Variants in PRORP observed in about 807,000 individuals in gnomAD.
PRORP encodes the protein mitochondrial ribonuclease P catalytic subunit.
A neutral mutation model predicts 59.4 loss-of-function variants in PRORP; 51 were observed. The ratio of observed to expected loss-of-function variants is 0.86; its 90% CI spans 0.69 to 1.08. PRORP has a LOEUF of 1.08. Ranked by LOEUF, PRORP falls within the 50% of genes least tolerant of loss-of-function variation. PRORP has a pLI of 0.00. For missense variants in PRORP, 646 were observed against 690.3 expected (o/e 0.94, Z 0.72); for synonymous variants, 231 against 245.6 (o/e 0.94, Z 0.55).
intron 3 of PRORP, among the ~76,000 whole-genome samples, chr14:35,127,119 C>T (rs565046827): frequency 2.0e-5 from 3 of 152,156 alleles, no homozygotes; most frequent in South Asian, 2.1e-4. Flanking sequence ...GAGCTGGGCG[C>T]GGTGGCTCAC....
intron 4 of PRORP, among the ~76,000 whole-genome samples, chr14:35,165,854 A>AT (rs1003071245): frequency 6.6e-6 from 1 of 151,808 alleles, no homozygotes; most frequent in African/African-American, 2.4e-5. Flanking sequence ...TAATTTTTGT[A>AT]TTTTTTGTAG....
rs192160804 is a variant in PRORP, at chr14:35,195,539, T to C, written c.1275+14762T>C. Among the ~76,000 whole-genome samples the C allele has an allele frequency of 5.3e-5, 8 of 152,308 alleles. No individual in the cohort carries two copies. The East Asian group carries it at 5.8e-4, about 11-fold the overall frequency. ...AGTCACTTCTTCCTTTATATAGTTA[T>C]GTATTTTTACAAATACTTTTTCTAG... On this transcript the variant is annotated intron_variant, in intron 5 of 7. Coordinates refer to ENST00000534898, the MANE Select transcript of PRORP (RefSeq NM_014672.4).
intron 6 of PRORP, among the ~76,000 whole-genome samples, chr14:35,268,313 C>G: frequency 7.0e-6 from 1 of 142,546 alleles, no homozygotes; most frequent in East Asian, 2.0e-4. Flanking sequence ...CCACTGCACT[C>G]CAGCCTGGGT....
chr14:35,147,413 G>T (rs980837092), intron 4 of PRORP, among the ~76,000 whole-genome samples: 3 of 152,146 alleles, frequency 2.0e-5, no homozygotes, highest in Non-Finnish European at 4.4e-5. Flanking sequence ...CAAGATCATG[G>T]CTTACTGTAG....
intron 4 of PRORP, among the ~76,000 whole-genome samples, chr14:35,168,961 CT>C (rs1217931080): frequency 6.6e-6 from 1 of 151,272 alleles, no homozygotes; most frequent in Non-Finnish European, 1.5e-5. Context: ...AACTTTTTGC[CT>C]TATTAGCTTT....
intron 2 of PRORP, among the ~76,000 whole-genome samples, chr14:35,126,055 C>G (rs1481815755): frequency 2.0e-5 from 3 of 152,024 alleles, no homozygotes; most frequent in Admixed American, 1.3e-4. Context: ...TGGAGTTTTA[C>G]AAAGGCAGTT....
chr14:35,270,572 T>G lies in PRORP; in HGVS notation c.1596T>G (p.Phe532Leu). ...ATCAGCTGGCAATTGTAAATAGGTT[T>G]CCAGGATCAAAACTAACCTTTCAGG... ...QGHQLAIVNR[F>L]PGSKLTFQRI... Residue 532 changes from phenylalanine (F) to leucine (L), a missense_variant, in exon 7 of 8, where the codon TTT becomes TTG. By Grantham distance (22) the Phe-to-Leu change is conservative. Coordinates refer to ENST00000534898, the MANE Select transcript of PRORP (RefSeq NM_014672.4). 6.2e-7 allele frequency: 1 copy of G among 1,614,180 alleles called. No homozygotes were observed. Among genetic ancestry groups the G allele is most frequent in the Non-Finnish European group, 8.5e-7 (1 of 1,180,026 alleles).
chr14:35,153,836 G>A (rs1188471112), intron 4 of PRORP, among the ~76,000 whole-genome samples: 3 of 152,146 alleles, frequency 2.0e-5, no homozygotes, highest in African/African-American at 7.2e-5. Flanking sequence ...TGTGTTCTTA[G>A]AGAAATTTAA....
chr14:35,166,834 G>A (rs1039361828), intron 4 of PRORP, among the ~76,000 whole-genome samples: 1 of 152,162 alleles, frequency 6.6e-6, no homozygotes, highest in African/African-American at 2.4e-5. Context: ...TTATCCTTGA[G>A]AGAAGAGATC....
At chr14:35,223,728 G>A (rs1327269869) in intron 5 of PRORP, among the ~76,000 whole-genome samples, 1 of 152,078 alleles carries the variant, frequency 6.6e-6, no homozygotes, top group Non-Finnish European at 1.5e-5. Flanking sequence ...CAAAGTGCTG[G>A]GATTACAGAC....
chr14:35,162,489 T>C (rs1318158124), intron 4 of PRORP, among the ~76,000 whole-genome samples: 1 of 152,140 alleles, frequency 6.6e-6, no homozygotes, highest in Non-Finnish European at 1.5e-5. Context: ...GAGGCACTTA[T>C]ATTTATTTTC....
At chr14:35,122,503 T>A (rs1027803103), upstream of PRORP, 1 of 155,604 alleles carries the variant, frequency 6.4e-6, no homozygotes, top group African/African-American at 2.4e-5. Context: ...TAAGTCCGGG[T>A]CAGTCTCGTC....
intron 7 of PRORP, among the ~76,000 whole-genome samples, chr14:35,271,621 A>G (rs188703903): frequency 1.2e-4 from 18 of 152,310 alleles, no homozygotes; most frequent in Non-Finnish European, 1.9e-4. Flanking sequence ...TCTAGTTAAG[A>G]TATCTATAAT....
At chr14:35,175,406 T>A (rs2048423178) in intron 4 of PRORP, among the ~76,000 whole-genome samples, 2 of 151,960 alleles carry the variant, frequency 1.3e-5, no homozygotes, top group Non-Finnish European at 2.9e-5. Context: ...CAGCACCTGT[T>A]GTTTCCTGAC....
intron 5 of PRORP, among the ~76,000 whole-genome samples, chr14:35,226,023 T>A (rs543061404): frequency 9.5e-4 from 145 of 152,336 alleles, no homozygotes; most frequent in African/African-American, 3.4e-3. Flanking sequence ...CTGTTATTAC[T>A]CTCATAAAAC....
chr14:35,229,420 G>A (rs979811698), intron 5 of PRORP, among the ~76,000 whole-genome samples: 1 of 152,112 alleles, frequency 6.6e-6, no homozygotes, highest in African/African-American at 2.4e-5. Flanking sequence ...GATTTCTATA[G>A]TTTGAGGTTT....
In PRORP at chr14:35,161,795, C is replaced by G. The variant is rs907730099; in HGVS notation, c.1168-18875C>G. ...CTTTACCTGAGTTAGATCTATTTCT[C>G]CAAAGATCAGTCAAGATTTAAGAAA... is the stretch of plus-strand genomic sequence containing the variant. On this transcript the variant is annotated intron_variant, in intron 4 of 7. Transcript: ENST00000534898. Among the ~76,000 whole-genome samples the G allele has an allele frequency of 1.2e-4, 18 of 152,128 alleles. 1 individual carries two copies. The highest frequency in any genetic ancestry group is 3.4e-3 in the Middle Eastern group (1 of 294).
chr14:35,267,829 A>G (rs8004236), intron 6 of PRORP, among the ~76,000 whole-genome samples: 37,988 of 151,980 alleles, frequency 0.25, 6,113 homozygotes, highest in African/African-American at 0.45. Context: ...TAAGCTTGGC[A>G]TGTGTTTGAG....
chr14:35,182,979 A>G (rs915241852), intron 5 of PRORP, among the ~76,000 whole-genome samples: 1 of 152,188 alleles, frequency 6.6e-6, no homozygotes, highest in African/African-American at 2.4e-5. Context: ...AATATCTATC[A>G]ATCTTAAGCC....
Sources: gnomAD v4.1 joint callset for allele counts (sites outside exome capture counted in the v4.1 genomes callset) on GRCh38, gnomAD v4.1.1 for gene constraint, MANE v1.5 for transcripts, NCBI Gene and HGNC (gene_info 2026-07-23, HGNC 2026-07-21) for gene names.